MS4A5: variants seen among roughly 807,000 people sequenced by gnomAD.
MS4A5 encodes membrane-spanning 4-domains subfamily A member 5.
In MS4A5, 15 loss-of-function variants were observed where a neutral mutation model predicts 18.2. The observed-to-expected ratio is 0.83, with a 90% CI of 0.55 to 1.27. The LOEUF (loss-of-function observed/expected upper bound fraction) is 1.27, where lower values mean the gene tolerates loss of function less well. MS4A5 is among the 50% of genes most tolerant of loss of function. The pLI is 0.00. For synonymous variants in MS4A5, 89 were observed against 78.7 expected, an observed-to-expected ratio of 1.13 and a Z score of -0.69; for missense variants, 232 against 225.7, an observed-to-expected ratio of 1.03 and a Z score of -0.18.
At chr11:60,444,061 A>C (rs992223497) in intron 4 of MS4A5, among the ~76,000 whole-genome samples, 2 of 152,222 alleles carry the variant, frequency 1.3e-5, no homozygotes, top group Admixed American at 1.3e-4. Flanking sequence ...AAAAGAAACA[A>C]CACCAAACTG....
intron 2 of MS4A5, 61 bp from the exon 3 acceptor site, chr11:60,432,350 C>G: frequency 8.8e-7 from 1 of 1,130,992 alleles, no homozygotes. Flanking sequence ...GAGGTCTATT[C>G]TGTAAGAACT....
At chr11:60,442,840 T>G (rs752582170) in intron 4 of MS4A5, among the ~76,000 whole-genome samples, 6 of 152,052 alleles carry the variant, frequency 3.9e-5, no homozygotes, top group Non-Finnish European at 7.4e-5. Context: ...AAAATGTTCT[T>G]CAAAAATGAA....
chr11:60,430,665 C>A (rs2086043772), intron 1 of MS4A5, 131 bp from the exon 2 acceptor site: 4 of 993,266 alleles, frequency 4.0e-6, no homozygotes, highest in South Asian at 1.5e-5. Context: ...CATAAAGGGA[C>A]TTCTATTATT....
At chr11:60,434,745 A>AGTG (rs1411918055) in intron 4 of MS4A5, among the ~76,000 whole-genome samples, 5 of 152,198 alleles carry the variant, frequency 3.3e-5, no homozygotes, top group African/African-American at 1.2e-4. Flanking sequence ...GAAATTTACA[A>AGTG]GTGGAACTCT....
At position 60,433,926 on chromosome 11, in the gene MS4A5, G is replaced by A. The variant is rs746980854; in HGVS notation, c.492+9G>A. 1 of 1,612,812 alleles carries A rather than the reference G, an allele frequency of 6.2e-7. No individual in the cohort carries two copies. Reference sequence around the variant, plus strand: ...TTACTGTCCTGTTCTTGGTAAGTATGTTGCATTTATAGAGTGATGAGTAAA... The same window carrying A: ...TTACTGTCCTGTTCTTGGTAAGTATATTGCATTTATAGAGTGATGAGTAAA... On this transcript the variant is annotated intron_variant, in intron 4 of 4. Transcript: ENST00000300190.
At chr11:60,444,300 C>T (rs2086128420) in intron 4 of MS4A5, among the ~76,000 whole-genome samples, 1 of 152,112 alleles carries the variant, frequency 6.6e-6, no homozygotes, top group African/African-American at 2.4e-5. Context: ...ATTGATTTCA[C>T]ATTCAAACAT....
intron 4 of MS4A5, 77 bp from the exon 5 acceptor site, chr11:60,447,572 T>A (rs979200748): frequency 1.3e-6 from 1 of 752,810 alleles, no homozygotes; most frequent in Non-Finnish European, 2.2e-6. Context: ...GGCATCACTA[T>A]GTCATTATAA....
intron 2 of MS4A5, among the ~76,000 whole-genome samples, 167 bp from the exon 3 acceptor site, chr11:60,432,244 A>G (rs2086052881): frequency 6.6e-6 from 1 of 152,216 alleles, no homozygotes; most frequent in South Asian, 2.1e-4. Flanking sequence ...TTTGTCCACT[A>G]TTCCATTTGT....
chr11:60,445,794 T>C (rs1019625722), intron 4 of MS4A5, among the ~76,000 whole-genome samples: 2 of 152,162 alleles, frequency 1.3e-5, no homozygotes, highest in Non-Finnish European at 2.9e-5. Flanking sequence ...GTCAGGGAAA[T>C]GTCAATTAAT....
At chr11:60,433,702 A>G (rs2086063625) in intron 3 of MS4A5, 63 bp from the exon 4 acceptor site, 1 of 1,517,682 alleles carries the variant, frequency 6.6e-7, no homozygotes, top group Admixed American at 1.7e-5. Flanking sequence ...CTCCGCACTC[A>G]TTGCTTTGTT....
intron 4 of MS4A5, among the ~76,000 whole-genome samples, chr11:60,447,124 CCTATGCTATG>C (rs571065253): frequency 7.6e-5 from 11 of 145,370 alleles, no homozygotes; most frequent in African/African-American, 2.5e-4. Flanking sequence ...CCTATGCTAT[CCTATGCTATG>C]CTATGCTATG....
intron 4 of MS4A5, among the ~76,000 whole-genome samples, chr11:60,443,167 A>C (rs2086122837): frequency 6.6e-6 from 1 of 152,156 alleles, no homozygotes; most frequent in South Asian, 2.1e-4. Flanking sequence ...ACAAAAACAC[A>C]ATGAAAGTGA....
At chr11:60,434,260 C>T (rs894909417) in intron 4 of MS4A5, among the ~76,000 whole-genome samples, 1 of 151,866 alleles carries the variant, frequency 6.6e-6, no homozygotes, top group African/African-American at 2.4e-5. Context: ...TGTGTTTTTA[C>T]AGTTCTTGAT....
chr11:60,437,569 T>A (rs1257721971), intron 4 of MS4A5, among the ~76,000 whole-genome samples: 1 of 151,718 alleles, frequency 6.6e-6, no homozygotes, highest in East Asian at 1.9e-4. Context: ...AATAAAAGGA[T>A]GGAGGAAGTT....
chr11:60,446,091 C>CA (rs1347173459), intron 4 of MS4A5, among the ~76,000 whole-genome samples: 2 of 151,596 alleles, frequency 1.3e-5, no homozygotes, highest in South Asian at 2.1e-4. Context: ...AACAAACAAA[C>CA]AAAAAAACAC....
chr11:60,429,821 C>A lies in MS4A5; in HGVS notation c.147C>A (p.Ile49=). Residue 49 remains isoleucine (I), a synonymous_variant, in exon 1 of 5, where the codon ATC becomes ATA. Coordinates refer to ENST00000300190, the MANE Select transcript of MS4A5 (RefSeq NM_023945.3). ...LQKLFARKMK[I]LGTIQILFGI... ...AATTATTTGCTAGAAAAATGAAAAT[C>A]TTAGGGGTAAGTAAGACTTGCCCCT... The A allele has an allele frequency of 6.2e-7, 1 of 1,613,416 alleles. No individual in the cohort carries two copies.
chr11:60,432,289 G>T, intron 2 of MS4A5, 122 bp from the exon 3 acceptor site: 1 of 565,454 alleles, frequency 1.8e-6, no homozygotes, highest in Non-Finnish European at 3.1e-6. Context: ...CCTTCTCACT[G>T]CCCTGAGGAG....
intron 4 of MS4A5, among the ~76,000 whole-genome samples, chr11:60,442,098 T>C (rs868736316): frequency 1.3e-5 from 2 of 152,204 alleles, no homozygotes; most frequent in African/African-American, 4.8e-5. Flanking sequence ...GAATTTTGAA[T>C]ACAATTGATA....
chr11:60,433,227 T>G (rs972219832), intron 3 of MS4A5, among the ~76,000 whole-genome samples: 10 of 152,156 alleles, frequency 6.6e-5, no homozygotes, highest in Admixed American at 2.6e-4. Flanking sequence ...AAACAGAATC[T>G]CAAAATAAAG....
Sources: allele counts gnomAD v4.1 joint callset (sites outside exome capture counted in the v4.1 genomes callset), GRCh38; gene constraint gnomAD v4.1.1; transcripts MANE v1.5; gene names NCBI Gene and HGNC (gene_info 2026-07-23, HGNC 2026-07-21).